PDE5A: variants seen among roughly 807,000 people sequenced by gnomAD.
PDE5A encodes the protein cGMP-specific 3',5'-cyclic phosphodiesterase.
Under a neutral mutation model 110.2 loss-of-function variants are expected in PDE5A, and 67 were observed. The ratio of observed to expected loss-of-function variants is 0.61; its 90% CI spans 0.50 to 0.75. PDE5A has a LOEUF of 0.75. Ranked by LOEUF, PDE5A falls within the 30% of genes least tolerant of loss-of-function variation. The probability of loss-of-function intolerance (pLI) is 0.00; values close to 1 mark genes in which losing one functional copy is unlikely to be tolerated. For missense variants in PDE5A, 862 were observed against 1,045.1 expected (o/e 0.82, Z 2.42); for synonymous variants, 328 against 351.2 (o/e 0.93, Z 0.74).
chr4:119,591,066 C>T (rs1189977409), intron 3 of PDE5A, among the ~76,000 whole-genome samples: 2 of 152,100 alleles, frequency 1.3e-5, no homozygotes, highest in Non-Finnish European at 2.9e-5. Flanking sequence ...TAGAGAAAAA[C>T]ATGTTTCTCT....
chr4:119,588,597 A>G (rs1180021984), intron 3 of PDE5A, among the ~76,000 whole-genome samples: 1 of 151,878 alleles, frequency 6.6e-6, no homozygotes, highest in Non-Finnish European at 1.5e-5. Context: ...AAGATAATTT[A>G]GGAGAAATAA....
intron 19 of PDE5A, among the ~76,000 whole-genome samples, chr4:119,502,038 C>G (rs1725358668): frequency 6.6e-6 from 1 of 152,012 alleles, no homozygotes. Flanking sequence ...GCTGAGAAAA[C>G]TGGGGAGACT....
At chr4:119,541,400 T>C (rs566776782) in intron 10 of PDE5A, among the ~76,000 whole-genome samples, 2 of 151,982 alleles carry the variant, frequency 1.3e-5, no homozygotes, top group East Asian at 1.9e-4. Flanking sequence ...CATGTGTATA[T>C]GCACCTAATT....
chr4:119,623,676 A>G (rs1164979140), intron 1 of PDE5A, among the ~76,000 whole-genome samples: 2 of 152,212 alleles, frequency 1.3e-5, no homozygotes, highest in Non-Finnish European at 2.9e-5. Flanking sequence ...TTAAAAAGGA[A>G]ATTTGGTTGC....
At chr4:119,588,035 G>A (rs10015714) in intron 3 of PDE5A, among the ~76,000 whole-genome samples, 2,261 of 152,162 alleles carry the variant, frequency 0.015, 59 homozygotes, top group African/African-American at 0.051. Flanking sequence ...CTCTCCCCAG[G>A]GATTTCTCTA....
chr4:119,613,725 G>C (rs1226538208), intron 1 of PDE5A, among the ~76,000 whole-genome samples: 1 of 51,520 alleles, frequency 1.9e-5, no homozygotes, highest in Non-Finnish European at 4.5e-5. Flanking sequence ...TTAATTCTAG[G>C]GGGTTTTGAA....
At chr4:119,553,061 A>G (rs374933810) in intron 8 of PDE5A, among the ~76,000 whole-genome samples, 1 of 152,106 alleles carries the variant, frequency 6.6e-6, no homozygotes. Context: ...CTATATTGCT[A>G]AAGTTCTAAC....
At chr4:119,552,248 C>G (rs1727381206) in intron 9 of PDE5A, among the ~76,000 whole-genome samples, 1 of 152,116 alleles carries the variant, frequency 6.6e-6, no homozygotes, top group Non-Finnish European at 1.5e-5. Context: ...AAATAAGACT[C>G]TAAAACAATA....
intron 2 of PDE5A, among the ~76,000 whole-genome samples, chr4:119,597,867 G>C (rs7670921): frequency 0.78 from 117,801 of 151,946 alleles, 45,824 homozygotes; most frequent in East Asian, 0.89. Flanking sequence ...AAAAGAAAAG[G>C]TATAAAATGG....
intron 2 of PDE5A, among the ~76,000 whole-genome samples, chr4:119,601,595 C>T (rs375458198): frequency 6.6e-6 from 1 of 152,206 alleles, no homozygotes; most frequent in African/African-American, 2.4e-5. Flanking sequence ...TGAACCTAAG[C>T]GGGGGTCACT....
At chr4:119,589,798 T>C (rs1728899943) in intron 3 of PDE5A, among the ~76,000 whole-genome samples, 1 of 152,158 alleles carries the variant, frequency 6.6e-6, no homozygotes, top group Non-Finnish European at 1.5e-5. Context: ...GTCATCTCAT[T>C]TTTCATCTTA....
At position 119,504,467 on chromosome 4, in the gene PDE5A, G is replaced by A. The variant is rs779574858; in HGVS notation, c.2331+69C>T. 4 of 1,166,662 alleles carry A rather than the reference G, an allele frequency of 3.4e-6. No homozygotes were observed. The Middle Eastern group carries it at 6.7e-4, about 196-fold the overall frequency. The allele number at this position is 1,166,662 out of a possible 1,614,324, so 72.3% of individuals were successfully genotyped here. On this transcript the variant is annotated intron_variant, in intron 18 of 20. Coordinates refer to ENST00000354960, the MANE Select transcript of PDE5A (RefSeq NM_001083.4). ...TTATTTTTCTTTAGGTAGATACCTA[G>A]TAGTGGGATTGCTGGGTAGAATGTT...
intron 7 of PDE5A, among the ~76,000 whole-genome samples, chr4:119,554,146 A>ACAGTATCT (rs1199016928): frequency 6.6e-6 from 1 of 152,106 alleles, no homozygotes; most frequent in Non-Finnish European, 1.5e-5. Context: ...TTCCAATAAA[A>ACAGTATCT]CAGTATCTTA....
At chr4:119,578,489 G>C (rs1252579944) in intron 3 of PDE5A, among the ~76,000 whole-genome samples, 7 of 152,142 alleles carry the variant, frequency 4.6e-5, no homozygotes, top group African/African-American at 1.4e-4. Flanking sequence ...CCAAAATAGA[G>C]ATATAGACCA....
At chr4:119,554,805 A>G (rs777344002) in intron 7 of PDE5A, among the ~76,000 whole-genome samples, 106 of 152,310 alleles carry the variant, frequency 7.0e-4, no homozygotes, top group South Asian at 4.1e-4. Flanking sequence ...TTTAAATAGC[A>G]TTTACATTGT....
At chr4:119,590,358 C>G (rs1728924581) in intron 3 of PDE5A, among the ~76,000 whole-genome samples, 1 of 152,178 alleles carries the variant, frequency 6.6e-6, no homozygotes, top group South Asian at 2.1e-4. Flanking sequence ...AAACTACTCC[C>G]TCATAGACAC....
intron 19 of PDE5A, among the ~76,000 whole-genome samples, chr4:119,501,987 T>C: frequency 6.6e-6 from 1 of 150,666 alleles, no homozygotes; most frequent in Non-Finnish European, 1.5e-5. Context: ...CTGAACACAC[T>C]TCTGAGGAGA....
Position 119,627,581 on chromosome 4 carries a change from C to T in PDE5A, c.152+939G>A. ...CTGGAGTCCACGCACCCCGACTATG[C>T]ATCAATTCCTCAGGCTTCGGGGCAC... On this transcript the variant is annotated intron_variant, in intron 1 of 20. Transcript: ENST00000354960. The surrounding 1 kb of genome is among the most constrained non-coding windows in gnomAD (Gnocchi z 4.6). 6.5e-6 allele frequency: 1 copy of T among 152,818 alleles called. No individual in the cohort carries two copies. The highest frequency in any genetic ancestry group is 1.9e-4 in the East Asian group (1 of 5,172). The allele number at this position is 152,818 out of a possible 1,614,324, so 9.5% of individuals were successfully genotyped here.
rs905021782 is a variant in PDE5A, at chr4:119,558,658, T to C, written c.1199+1638A>G. ...TTTAGGCCTGTTACCTAATTTTTATTAAAATAAAAAAAATCTCAGAGGCCT... is the reference window on the plus strand; with the variant it reads ...TTTAGGCCTGTTACCTAATTTTTATCAAAATAAAAAAAATCTCAGAGGCCT... On this transcript the variant is annotated intron_variant, in intron 7 of 20. Coordinates refer to ENST00000354960, the MANE Select transcript of PDE5A (RefSeq NM_001083.4). Among the ~76,000 whole-genome samples the C allele has an allele frequency of 8.5e-5, 13 of 152,200 alleles. No individual in the cohort carries two copies. The East Asian group carries it at 2.5e-3, about 29-fold the overall frequency.
Sources: gnomAD v4.1 joint callset for allele counts (sites outside exome capture counted in the v4.1 genomes callset) on GRCh38, gnomAD v4.1.1 for gene constraint, Gnocchi (gnomAD v3.1) non-coding constraint, MANE v1.5 for transcripts, NCBI Gene and HGNC (gene_info 2026-07-23, HGNC 2026-07-21) for gene names.